NCAM1: variants seen among roughly 807,000 people sequenced by gnomAD.
The protein encoded by NCAM1 is antigen recognized by monoclonal antibody 5.1H11.
Under a neutral mutation model 109.8 loss-of-function variants are expected in NCAM1, and 14 were observed. That is an observed-to-expected ratio of 0.13 (90% confidence interval 0.08 to 0.20). The LOEUF is 0.20. Among genes scored for constraint, NCAM1 ranks in the 10% least tolerant of loss-of-function variants. The probability of loss-of-function intolerance (pLI) is 1.00; values close to 1 mark genes in which losing one functional copy is unlikely to be tolerated. For missense variants in NCAM1, 774 were observed against 1,109.9 expected (o/e 0.70, Z 4.30); for synonymous variants, 418 against 442.9 (o/e 0.94, Z 0.70).
intron 17 of NCAM1, 182 bp downstream of exon 17, chr11:113,260,505 A>C: frequency 1.6e-6 from 1 of 617,100 alleles, no homozygotes; most frequent in Non-Finnish European, 2.6e-6. Context: ...GATGTACTGG[A>C]CCCCCAGGAA....
At chr11:113,050,536 GT>G (rs782662152) in intron 1 of NCAM1, among the ~76,000 whole-genome samples, 2 of 151,952 alleles carry the variant, frequency 1.3e-5, no homozygotes, top group Non-Finnish European at 2.9e-5. Context: ...ACATTTATCT[GT>G]GTGTCTATTT....
At chr11:113,247,492 G>A (rs782793492) in intron 15 of NCAM1, among the ~76,000 whole-genome samples, 11 of 152,044 alleles carry the variant, frequency 7.2e-5, no homozygotes, top group African/African-American at 9.7e-5. Context: ...CTTGTGTTTC[G>A]TTCTCCTCCT....
chr11:113,023,442 C>T lies in NCAM1; in HGVS notation c.52+61778C>T, dbSNP rs149094773. On this transcript the variant is annotated intron_variant, in intron 1 of 19. Transcript: ENST00000316851. ...CACAAAGCACTTCCCAAGGAAGTTACAGCCAAGAATTCACTTGGCTGGGCT... is the reference window on the plus strand; with the variant it reads ...CACAAAGCACTTCCCAAGGAAGTTATAGCCAAGAATTCACTTGGCTGGGCT... 2.9e-3 allele frequency among the ~76,000 whole-genome samples: 447 copies of T among 152,322 alleles called. 4 individuals carry two copies. Among genetic ancestry groups the T allele is most frequent in the African/African-American group, 9.8e-3 (407 of 41,572 alleles).
chr11:113,179,151 T>G (rs933763535), intron 1 of NCAM1, among the ~76,000 whole-genome samples: 3 of 152,182 alleles, frequency 2.0e-5, no homozygotes, highest in African/African-American at 7.2e-5. Context: ...AAAAGCCTTT[T>G]GATAAATATT....
intron 1 of NCAM1, among the ~76,000 whole-genome samples, chr11:113,186,387 T>G (rs747063694): frequency 3.3e-5 from 5 of 152,218 alleles, no homozygotes; most frequent in Non-Finnish European, 7.3e-5. Context: ...CCCAACCCTC[T>G]GCCGGTCCAT....
At chr11:113,023,205 C>T (rs1447483478) in intron 1 of NCAM1, among the ~76,000 whole-genome samples, 1 of 152,194 alleles carries the variant, frequency 6.6e-6, no homozygotes, top group Non-Finnish European at 1.5e-5. Context: ...ATCTTTCTCA[C>T]CATGGAGAAA....
chr11:112,995,478 T>C (rs1951568421), intron 1 of NCAM1, among the ~76,000 whole-genome samples: 1 of 152,202 alleles, frequency 6.6e-6, no homozygotes, highest in Non-Finnish European at 1.5e-5. Context: ...TAAACTAATG[T>C]TTACAACAGT....
intron 1 of NCAM1, among the ~76,000 whole-genome samples, chr11:113,083,012 G>A (rs1471449545): frequency 8.6e-5 from 13 of 150,814 alleles, no homozygotes; most frequent in African/African-American, 3.2e-4. Flanking sequence ...ATCTTTGCCT[G>A]TTATCACCTA....
intron 1 of NCAM1, among the ~76,000 whole-genome samples, chr11:112,967,442 G>T (rs1950758021): frequency 6.6e-6 from 1 of 152,150 alleles, no homozygotes; most frequent in African/African-American, 2.4e-5. Flanking sequence ...ATTAAGAGAG[G>T]TAGATAACCC....
intron 19 of NCAM1, among the ~76,000 whole-genome samples, 181 bp downstream of exon 19, chr11:113,272,057 G>C: frequency 6.6e-6 from 1 of 151,882 alleles, no homozygotes; most frequent in Non-Finnish European, 1.5e-5. Context: ...AGGCATTTCT[G>C]GTTCTATTTC....
intron 1 of NCAM1, among the ~76,000 whole-genome samples, chr11:113,086,655 G>C (rs1442446249): frequency 6.6e-6 from 1 of 152,062 alleles, no homozygotes; most frequent in East Asian, 1.9e-4. Flanking sequence ...AAAAGTGTCA[G>C]CCACACATTT....
At chr11:113,163,836 ATGAGAGC>A (rs1942687485) in intron 1 of NCAM1, among the ~76,000 whole-genome samples, 1 of 152,114 alleles carries the variant, frequency 6.6e-6, no homozygotes, top group Non-Finnish European at 1.5e-5. Flanking sequence ...GGCTGTGCAA[ATGAGAGC>A]TGGTCTCAAC....
chr11:113,217,434 G>T (rs1555114542), intron 8 of NCAM1, among the ~76,000 whole-genome samples: 1 of 151,986 alleles, frequency 6.6e-6, no homozygotes, highest in Non-Finnish European at 1.5e-5. Context: ...TTCTCATATG[G>T]CATAGTTTCC....
intron 1 of NCAM1, among the ~76,000 whole-genome samples, chr11:112,973,900 T>A (rs1295787603): frequency 6.6e-6 from 1 of 152,110 alleles, no homozygotes; most frequent in African/African-American, 2.4e-5. Context: ...TTTTACCTCC[T>A]ATGAAAGCAA....
intron 1 of NCAM1, among the ~76,000 whole-genome samples, chr11:113,029,235 A>G (rs545277157): frequency 6.6e-6 from 1 of 152,294 alleles, no homozygotes; most frequent in South Asian, 2.1e-4. Flanking sequence ...GCTTCAGCAA[A>G]ATAAGGGAGA....
chr11:112,972,723 A>C (rs1411081061), intron 1 of NCAM1, among the ~76,000 whole-genome samples: 3 of 152,144 alleles, frequency 2.0e-5, no homozygotes, highest in Admixed American at 2.0e-4. Flanking sequence ...AGAATTAAGT[A>C]GAAACTTGGG....
intron 1 of NCAM1, among the ~76,000 whole-genome samples, chr11:112,988,190 C>T (rs978063095): frequency 1.3e-5 from 2 of 152,130 alleles, no homozygotes; most frequent in Non-Finnish European, 2.9e-5. Flanking sequence ...CACCTCCCAG[C>T]CTTATTTTAC....
In NCAM1 at chr11:113,042,827, C is replaced by G. The variant is rs545227460; in HGVS notation, c.52+81163C>G. Among the ~76,000 whole-genome samples, 5 of 152,292 alleles carry G rather than the reference C, an allele frequency of 3.3e-5. No individual in the cohort carries two copies. The East Asian group carries it at 9.7e-4, about 29-fold the overall frequency. On this transcript the variant is annotated intron_variant, in intron 1 of 19. Transcript: ENST00000316851. ...CCAGATTCCCCGCTCGCCCCTTCAC[C>G]CGTTGCTGTTAGATTCATCTTCATA...
chr11:112,998,041 G>A (rs1489759179), intron 1 of NCAM1, among the ~76,000 whole-genome samples: 1 of 152,166 alleles, frequency 6.6e-6, no homozygotes, highest in Non-Finnish European at 1.5e-5. Flanking sequence ...CAGAGCTGGG[G>A]TTAGATTTCA....
Sources: gnomAD v4.1 joint callset for allele counts (sites outside exome capture counted in the v4.1 genomes callset) on GRCh38, gnomAD v4.1.1 for gene constraint, MANE v1.5 for transcripts, NCBI Gene and HGNC (gene_info 2026-07-23, HGNC 2026-07-21) for gene names.